The following TRPM3 variants were observed in gnomAD, a reference collection of about 807,000 sequenced individuals.
The protein encoded by TRPM3 is long transient receptor potential channel 3.
Under a neutral mutation model 181.2 loss-of-function variants are expected in TRPM3, and 77 were observed. The observed-to-expected ratio is 0.42, with a 90% CI of 0.35 to 0.51. The LOEUF is 0.51. TRPM3 is among the 20% of genes least tolerant of loss of function. The pLI is 0.01. For synonymous variants in TRPM3, 745 were observed against 796.4 expected (o/e 0.94, Z 1.09); for missense variants, 1,759 against 2,196.7 (o/e 0.80, Z 3.98).
intron 8 of TRPM3, among the ~76,000 whole-genome samples, chr9:70,690,893 C>A (rs1016380772): frequency 3.9e-5 from 6 of 152,128 alleles, no homozygotes; most frequent in Admixed American, 2.6e-4. Flanking sequence ...GAATACTATG[C>A]ATCTAAAACA....
chr9:70,778,541 T>C (rs1255910976), intron 7 of TRPM3, among the ~76,000 whole-genome samples: 2 of 152,204 alleles, frequency 1.3e-5, no homozygotes, highest in Non-Finnish European at 2.9e-5. Flanking sequence ...GTTTCCAAGG[T>C]TTCCCTTCTG....
chr9:70,585,842 C>T (rs1564441209), intron 22 of TRPM3, among the ~76,000 whole-genome samples: 1 of 152,192 alleles, frequency 6.6e-6, no homozygotes, highest in South Asian at 2.1e-4. Context: ...TTAAAACATA[C>T]ATCTTGATCA....
chr9:71,022,963 A>C (rs77164913), intron 1 of TRPM3, among the ~76,000 whole-genome samples: 1 of 152,098 alleles, frequency 6.6e-6, no homozygotes, highest in Non-Finnish European at 1.5e-5. Context: ...CCTTGAAACC[A>C]AAAGCAGAAC....
chr9:70,564,194 G>A (rs945582570), intron 22 of TRPM3, among the ~76,000 whole-genome samples: 1 of 152,140 alleles, frequency 6.6e-6, no homozygotes, highest in Non-Finnish European at 1.5e-5. Context: ...TTTGATATTT[G>A]CATATACGAA....
intron 1 of TRPM3, among the ~76,000 whole-genome samples, chr9:71,413,482 C>T (rs187465926): frequency 1.3e-4 from 19 of 151,976 alleles, no homozygotes; most frequent in African/African-American, 3.9e-4. Flanking sequence ...GGCAGTTAAG[C>T]GCCCAAAACT....
chr9:70,739,281 T>C (rs919800193), intron 8 of TRPM3, among the ~76,000 whole-genome samples: 1 of 152,176 alleles, frequency 6.6e-6, no homozygotes, highest in African/African-American at 2.4e-5. Flanking sequence ...TAATACATCA[T>C]GATCAAGTAG....
At chr9:70,700,988 C>T (rs1023169149) in intron 8 of TRPM3, among the ~76,000 whole-genome samples, 1 of 152,154 alleles carries the variant, frequency 6.6e-6, no homozygotes, top group African/African-American at 2.4e-5. Context: ...TCACATTTAC[C>T]ACTTCAGTCA....
At chr9:71,170,902 T>C (rs4087415) in intron 1 of TRPM3, among the ~76,000 whole-genome samples, 147,858 of 152,276 alleles carry the variant, frequency 0.97, 71,882 homozygotes, top group East Asian at 1. Context: ...ACTGGTGAGC[T>C]GGGCAGAACA....
intron 1 of TRPM3, among the ~76,000 whole-genome samples, chr9:70,995,939 G>A (rs2097537716): frequency 6.6e-6 from 1 of 152,058 alleles, no homozygotes; most frequent in Admixed American, 6.5e-5. Flanking sequence ...ATAATTCCCT[G>A]GAGCCTTAGG....
intron 1 of TRPM3, among the ~76,000 whole-genome samples, chr9:71,133,553 C>T (rs2026106): frequency 0.61 from 92,427 of 151,596 alleles, 28,712 homozygotes; most frequent in African/African-American, 0.74. Flanking sequence ...CTGCCTCGGC[C>T]TCCCAAGGTG....
At position 70,610,733 on chromosome 9, in the gene TRPM3, T is replaced by C; in HGVS notation, c.2543A>G (p.Asn848Ser). The C allele has an allele frequency of 1.2e-6, 2 of 1,614,158 alleles. No homozygotes were observed. Among genetic ancestry groups the C allele is most frequent in the South Asian group, 2.2e-5 (2 of 91,074 alleles). The change falls in exon 19 of 26, where the codon AAC (asparagine) becomes AGC (serine). Residue 848 changes from asparagine to serine, a missense_variant. Asn to Ser is a conservative substitution (Grantham distance 46). Around this residue, in one of 8 missense-constraint regions of TRPM3, gnomAD observed 114 missense variants for 134.8 expected, o/e 0.85. Coordinates refer to ENST00000677713, the MANE Select transcript of TRPM3 (RefSeq NM_001366145.2). Reference sequence around the variant, plus strand: ...CTTCTTCCTGGAGGACTCCCCGTTGTTTCGTCCCAACATTGCCTATGTTGG... The same window carrying C: ...CTTCTTCCTGGAGGACTCCCCGTTGCTTCGTCCCAACATTGCCTATGTTGG... ...DMELTAMLGRNNGESSRKKDE... is the reference protein window; with the variant it reads ...DMELTAMLGRSNGESSRKKDE...
At chr9:71,015,392 G>A (rs951302694) in intron 1 of TRPM3, among the ~76,000 whole-genome samples, 1 of 152,082 alleles carries the variant, frequency 6.6e-6, no homozygotes, top group African/African-American at 2.4e-5. Context: ...GCTAAGCAGT[G>A]AATTATAATT....
Position 70,537,789 on chromosome 9 carries a change from A to G in TRPM3, c.3708-384T>C, listed in dbSNP as rs149588011. Among the ~76,000 whole-genome samples the G allele has an allele frequency of 3.8e-3, 573 of 152,262 alleles. 4 individuals carry two copies. Among genetic ancestry groups the G allele is most frequent in the African/African-American group, 0.013 (534 of 41,562 alleles). ...TAGCTGTGGCTTGGGGCAGGGTGCA[A>G]TGACCTGACTAAGCATCCAGTTGTT... is the stretch of plus-strand genomic sequence containing the variant. On this transcript the variant is annotated intron_variant, in intron 25 of 25. Coordinates refer to ENST00000677713, the MANE Select transcript of TRPM3 (RefSeq NM_001366145.2).
chr9:71,206,959 C>T (rs2079161958), intron 1 of TRPM3, among the ~76,000 whole-genome samples: 2 of 152,058 alleles, frequency 1.3e-5, no homozygotes, highest in South Asian at 4.1e-4. Context: ...CTAAGGCTAC[C>T]TTAGACAGTT....
chr9:70,979,159 CT>C (rs1385450731), intron 1 of TRPM3, among the ~76,000 whole-genome samples: 1 of 152,190 alleles, frequency 6.6e-6, no homozygotes, highest in African/African-American at 2.4e-5. Flanking sequence ...AATGATTTGT[CT>C]TTTCCAGCCC....
At chr9:70,937,665 C>G (rs1309033387) in intron 1 of TRPM3, among the ~76,000 whole-genome samples, 1 of 152,114 alleles carries the variant, frequency 6.6e-6, no homozygotes, top group Non-Finnish European at 1.5e-5. Context: ...ACCAGAAAAG[C>G]AGCTTCAAAA....
intron 1 of TRPM3, among the ~76,000 whole-genome samples, chr9:71,205,588 TA>T (rs533210689): frequency 5.3e-4 from 80 of 152,270 alleles, no homozygotes; most frequent in Non-Finnish European, 9.0e-4. Context: ...TAAAACACAT[TA>T]GGGGTAGTTT....
chr9:71,310,147 A>G (rs1405724694), intron 1 of TRPM3, among the ~76,000 whole-genome samples: 2 of 152,108 alleles, frequency 1.3e-5, no homozygotes, highest in Admixed American at 6.6e-5. Context: ...CAGGATAAGA[A>G]TTTTAAATCA....
chr9:70,550,306 C>T (rs188037265), intron 24 of TRPM3, among the ~76,000 whole-genome samples: 68 of 152,218 alleles, frequency 4.5e-4, no homozygotes, highest in African/African-American at 1.6e-3. Context: ...TTTTTCCTGC[C>T]TGGAACATGA....
Sources: allele counts gnomAD v4.1 joint callset (sites outside exome capture counted in the v4.1 genomes callset), GRCh38; gene constraint gnomAD v4.1.1; regional missense constraint gnomAD v4.1.1; transcripts MANE v1.5; gene names NCBI Gene and HGNC (gene_info 2026-07-23, HGNC 2026-07-21).